Variants in SENP6 observed in about 807,000 individuals in gnomAD.
SENP6 encodes the protein sentrin-specific protease 6.
SENP6 carries 41 observed loss-of-function variants against 134.5 expected under a neutral mutation model. The ratio of observed to expected loss-of-function variants is 0.30; its 90% CI spans 0.24 to 0.40. The LOEUF is 0.40. Among genes scored for constraint, SENP6 ranks in the 10% least tolerant of loss-of-function variants. The pLI is 1.00. For missense variants in SENP6, 1,248 were observed against 1,312.5 expected (o/e 0.95, Z 0.76); for synonymous variants, 395 against 429.8 (o/e 0.92, Z 1.00).
chr6:75,716,184 A>G lies in SENP6; in HGVS notation c.*590A>G, dbSNP rs1414743019. 6.6e-6 allele frequency: 1 copy of G among 152,010 alleles called. No homozygotes were observed. The highest frequency in any genetic ancestry group is 1.5e-5 in the Non-Finnish European group (1 of 67,862). The allele number at this position is 152,010 out of a possible 1,614,324, so 9.4% of individuals were successfully genotyped here. A position where few individuals can be genotyped will look rare whatever the true frequency, so the allele number is the denominator to read the frequency against. ...TAATAAATATTTGTAATTTTACACA[A>G]ATATTTAAGAGGAAAGAGTATTAAG... On this transcript the variant is annotated 3_prime_UTR_variant, in exon 24 of 24. Coordinates refer to ENST00000447266, the MANE Select transcript of SENP6 (RefSeq NM_015571.4).
chr6:75,685,317 CT>C (rs1281468618), intron 16 of SENP6, among the ~76,000 whole-genome samples: 1 of 152,008 alleles, frequency 6.6e-6, no homozygotes, highest in East Asian at 1.9e-4. Flanking sequence ...TTTTGTTGAT[CT>C]TTTCAAAAAA....
At chr6:75,673,752 G>A (rs1160684263) in intron 11 of SENP6, among the ~76,000 whole-genome samples, 1 of 151,964 alleles carries the variant, frequency 6.6e-6, no homozygotes, top group African/African-American at 2.4e-5. Flanking sequence ...TGTCAGCCAG[G>A]TGTGGTGGCT....
intron 4 of SENP6, among the ~76,000 whole-genome samples, chr6:75,634,262 A>G (rs1306689157): frequency 6.6e-6 from 1 of 152,162 alleles, no homozygotes; most frequent in Non-Finnish European, 1.5e-5. Context: ...TGGCAAAATC[A>G]GAAATAGTAT....
intron 11 of SENP6, among the ~76,000 whole-genome samples, chr6:75,673,505 G>A (rs1331264028): frequency 6.6e-6 from 1 of 151,194 alleles, no homozygotes; most frequent in East Asian, 2.0e-4. Context: ...TGTATTTTTA[G>A]TAGAGATGGT....
At chr6:75,680,907 C>T (rs1773418926) in intron 16 of SENP6, among the ~76,000 whole-genome samples, 1 of 152,146 alleles carries the variant, frequency 6.6e-6, no homozygotes, top group South Asian at 2.1e-4. Flanking sequence ...TGCTAAAACA[C>T]AAGAATTATA....
intron 5 of SENP6, among the ~76,000 whole-genome samples, chr6:75,639,263 G>C (rs1277952073): frequency 6.6e-6 from 1 of 151,962 alleles, no homozygotes; most frequent in Non-Finnish European, 1.5e-5. Context: ...TCTTTAATAG[G>C]GATGTGATTA....
At chr6:75,615,724 G>A (rs1190152868) in intron 1 of SENP6, among the ~76,000 whole-genome samples, 1 of 152,148 alleles carries the variant, frequency 6.6e-6, no homozygotes, top group African/African-American at 2.4e-5. Flanking sequence ...TTCATAAAAT[G>A]AGCTGCAAAG....
At chr6:75,687,374 A>G (rs1773921047) in intron 16 of SENP6, among the ~76,000 whole-genome samples, 1 of 152,038 alleles carries the variant, frequency 6.6e-6, no homozygotes, top group African/African-American at 2.4e-5. Context: ...GTTTGTTATT[A>G]CTGACCTCCT....
chr6:75,602,652 C>T, intron 1 of SENP6, 76 bp downstream of exon 1: 3 of 1,416,108 alleles, frequency 2.1e-6, no homozygotes, highest in Non-Finnish European at 2.9e-6. Context: ...CCCGGATATT[C>T]AGTTATCTGC....
chr6:75,666,595 C>A (rs368066186), intron 9 of SENP6, 117 bp from the exon 10 acceptor site: 6 of 422,942 alleles, frequency 1.4e-5, no homozygotes, highest in South Asian at 2.2e-4. Flanking sequence ...AGGTCCAAAG[C>A]AAATTTAGGA....
Position 75,675,427 on chromosome 6 carries a change from T to G in SENP6, c.1393-8T>G, listed in dbSNP as rs1408562446. On this transcript the variant is annotated splice_polypyrimidine_tract_variant and splice_region_variant and intron_variant, in intron 11 of 23. Coordinates refer to ENST00000447266, the MANE Select transcript of SENP6 (RefSeq NM_015571.4). ...TCTAGAGCAATACTAATTCATCTTT[T>G]TTTTTAGTTTTGTTTAGATTTTATC... is the stretch of plus-strand genomic sequence containing the variant. 1 of 1,407,762 alleles carries G rather than the reference T, an allele frequency of 7.1e-7. No individual in the cohort carries two copies. Among genetic ancestry groups the G allele is most frequent in the Non-Finnish European group, 9.8e-7 (1 of 1,019,466 alleles). The allele number at this position is 1,407,762 out of a possible 1,614,324, so 87.2% of individuals were successfully genotyped here. A position where few individuals can be genotyped will look rare whatever the true frequency, so the allele number is the denominator to read the frequency against.
intron 9 of SENP6, among the ~76,000 whole-genome samples, chr6:75,664,634 A>G (rs545166233): frequency 1.3e-5 from 2 of 152,314 alleles, no homozygotes; most frequent in East Asian, 3.9e-4. Context: ...ATAAAAGACC[A>G]GTGTTGAAAG....
At position 75,637,059 on chromosome 6, in the gene SENP6, T is replaced by A. The variant is rs191803774; in HGVS notation, c.458+2248T>A. 3.0e-3 allele frequency among the ~76,000 whole-genome samples: 463 copies of A among 152,002 alleles called. 1 individual carries two copies. Among genetic ancestry groups the A allele is most frequent in the Middle Eastern group, 6.8e-3 (2 of 294 alleles). On this transcript the variant is annotated intron_variant, in intron 5 of 23. Coordinates refer to ENST00000447266, the MANE Select transcript of SENP6 (RefSeq NM_015571.4). ...CCGCACCAGGCTAACTTTAAAAAAA[T>A]TTTTTTTGTAGAGACGTGGTCTCAC...
chr6:75,642,946 G>A (rs974023187), intron 6 of SENP6, among the ~76,000 whole-genome samples: 1 of 152,088 alleles, frequency 6.6e-6, no homozygotes, highest in Non-Finnish European at 1.5e-5. Flanking sequence ...TGGTGGGGGA[G>A]GTGGGGATTG....
intron 1 of SENP6, among the ~76,000 whole-genome samples, chr6:75,607,138 A>AG (rs1767087926): frequency 6.6e-6 from 1 of 152,134 alleles, no homozygotes; most frequent in African/African-American, 2.4e-5. Flanking sequence ...GCTTGAGCCC[A>AG]GGAGTTGGAG....
chr6:75,670,149 G>A (rs1772556589), intron 10 of SENP6, among the ~76,000 whole-genome samples: 3 of 152,096 alleles, frequency 2.0e-5, no homozygotes, highest in Admixed American at 2.0e-4. Context: ...GTTTCACTGT[G>A]TTGGGCAGGC....
intron 19 of SENP6, among the ~76,000 whole-genome samples, chr6:75,708,949 T>G (rs1490497551): frequency 6.6e-6 from 1 of 152,196 alleles, no homozygotes; most frequent in African/African-American, 2.4e-5. Flanking sequence ...AAATCTTACA[T>G]TTCTTTGAAA....
intron 7 of SENP6, among the ~76,000 whole-genome samples, chr6:75,652,693 AAAAAAAAAAAGAAAAAG>A (rs1227908938): frequency 2.0e-5 from 3 of 149,884 alleles, no homozygotes; most frequent in African/African-American, 7.3e-5. Flanking sequence ...CAAAAAAAAA[AAAAAAAAAAAGAAAAAG>A]AAAAAAAATG....
At chr6:75,666,286 TACTTGACTA>T (rs1377110955) in intron 9 of SENP6, among the ~76,000 whole-genome samples, 1 of 147,940 alleles carries the variant, frequency 6.8e-6, no homozygotes, top group African/African-American at 2.5e-5. Context: ...TATATATATA[TACTTGACTA>T]CATGGAGTTT....
Sources: allele counts gnomAD v4.1 joint callset (sites outside exome capture counted in the v4.1 genomes callset), GRCh38; gene constraint gnomAD v4.1.1; transcripts MANE v1.5; gene names NCBI Gene and HGNC (gene_info 2026-07-23, HGNC 2026-07-21).